The following PPP2R2B variants were observed in gnomAD, a reference collection of about 807,000 sequenced individuals.
PPP2R2B encodes serine/threonine-protein phosphatase 2A 55 kDa regulatory subunit B beta isoform.
Under a neutral mutation model 46.0 loss-of-function variants are expected in PPP2R2B, and 5 were observed. The ratio of observed to expected loss-of-function variants is 0.11; its 90% CI spans 0.06 to 0.23. The LOEUF (loss-of-function observed/expected upper bound fraction) is 0.23. PPP2R2B is among the 10% of genes least tolerant of loss of function. The probability of loss-of-function intolerance (pLI) is 1.00; values close to 1 mark genes in which losing one functional copy is unlikely to be tolerated. For synonymous variants in PPP2R2B, 215 were observed against 206.7 expected, an observed-to-expected ratio of 1.04 and a Z score of -0.34; for missense variants, 367 against 575.0, an observed-to-expected ratio of 0.64 and a Z score of 3.70.
At position 146,878,517 on chromosome 5, in the gene PPP2R2B, C is replaced by T; in HGVS notation, c.-125+74G>A. On this transcript the variant is annotated intron_variant, in intron 1 of 9. Coordinates refer to ENST00000394411, the MANE Select transcript of PPP2R2B (RefSeq NM_181675.4). The surrounding 1 kb of genome is among the most constrained non-coding windows in gnomAD (Gnocchi z 4.5). ...TCCCTCCTCCCCCTGGGAGAGCGGGCAGCCGCGACAAAATGGTGCCTTTCT... is the reference window on the plus strand; with the variant it reads ...TCCCTCCTCCCCCTGGGAGAGCGGGTAGCCGCGACAAAATGGTGCCTTTCT... The T allele has an allele frequency of 7.8e-7, 1 of 1,284,056 alleles. No individual in the cohort carries two copies. Among genetic ancestry groups the T allele is most frequent in the Non-Finnish European group, 1.0e-6 (1 of 1,002,300 alleles). The allele number at this position is 1,284,056 out of a possible 1,614,324, so 79.5% of individuals were successfully genotyped here.
chr5:146,672,753 C>T (rs1478096569), intron 5 of PPP2R2B, among the ~76,000 whole-genome samples: 1 of 152,196 alleles, frequency 6.6e-6, no homozygotes, highest in Non-Finnish European at 1.5e-5. Flanking sequence ...TCATTTAACA[C>T]TTTCTTGTTA....
intron 8 of PPP2R2B, among the ~76,000 whole-genome samples, chr5:146,593,772 T>A (rs1581665768): frequency 6.6e-6 from 1 of 151,128 alleles, no homozygotes; most frequent in African/African-American, 2.4e-5. Context: ...GGGAGAGGAG[T>A]GAGTAAGCAG....
intron 1 of PPP2R2B, among the ~76,000 whole-genome samples, chr5:146,933,612 A>T (rs542130549): frequency 6.6e-6 from 1 of 152,268 alleles, no homozygotes; most frequent in East Asian, 1.9e-4. Context: ...GAGAGAAGCA[A>T]AATGAGACCC....
intron 2 of PPP2R2B, among the ~76,000 whole-genome samples, chr5:146,776,959 T>C (rs181290169): frequency 6.6e-6 from 1 of 152,184 alleles, no homozygotes; most frequent in East Asian, 1.9e-4. Flanking sequence ...CTACTTCACA[T>C]CTACTAAGAT....
chr5:146,973,160 G>T (rs956575254), intron 1 of PPP2R2B, among the ~76,000 whole-genome samples: 3 of 152,082 alleles, frequency 2.0e-5, no homozygotes, highest in African/African-American at 7.2e-5. Flanking sequence ...AGTAGGATTT[G>T]ATTCTTTTTC....
At chr5:146,851,174 T>C (rs1280749046) in intron 2 of PPP2R2B, among the ~76,000 whole-genome samples, 1 of 152,156 alleles carries the variant, frequency 6.6e-6, no homozygotes, top group East Asian at 1.9e-4. Flanking sequence ...CCTAATCCTG[T>C]CCCTCAGAGA....
At chr5:146,648,324 GATC>G (rs1775719584) in intron 6 of PPP2R2B, among the ~76,000 whole-genome samples, 1 of 152,184 alleles carries the variant, frequency 6.6e-6, no homozygotes, top group Admixed American at 6.5e-5. Flanking sequence ...TGCTGATGGG[GATC>G]ATCAATATTA....
chr5:146,664,747 C>A (rs1301742904), intron 5 of PPP2R2B, among the ~76,000 whole-genome samples: 2 of 152,156 alleles, frequency 1.3e-5, no homozygotes, highest in Non-Finnish European at 2.9e-5. Flanking sequence ...ATCAGAGGAA[C>A]TATTTTTTGG....
intron 5 of PPP2R2B, among the ~76,000 whole-genome samples, chr5:146,658,892 C>T (rs1484791947): frequency 2.0e-5 from 3 of 152,084 alleles, no homozygotes; most frequent in African/African-American, 7.2e-5. Context: ...CATCATTTGT[C>T]AGAATTATAT....
chr5:146,966,455 T>C (rs1219899645), intron 1 of PPP2R2B, among the ~76,000 whole-genome samples: 1 of 152,184 alleles, frequency 6.6e-6, no homozygotes, highest in Admixed American at 6.5e-5. Flanking sequence ...ACCTGAGAAC[T>C]GTATTCTTAC....
At chr5:147,064,473 A>G (rs1046283035) in intron 2 of PPP2R2B, among the ~76,000 whole-genome samples, 2 of 152,196 alleles carry the variant, frequency 1.3e-5, no homozygotes, top group African/African-American at 2.4e-5. Flanking sequence ...CCCACACCCT[A>G]TATTGAGAAT....
At chr5:146,901,987 G>A (rs879499021) in intron 1 of PPP2R2B, among the ~76,000 whole-genome samples, 1 of 152,152 alleles carries the variant, frequency 6.6e-6, no homozygotes, top group Non-Finnish European at 1.5e-5. Flanking sequence ...GTAGGCTATT[G>A]TAAGAAATTA....
At chr5:146,884,118 C>A (rs1582355654) in intron 1 of PPP2R2B, among the ~76,000 whole-genome samples, 1 of 125,448 alleles carries the variant, frequency 8.0e-6, no homozygotes, top group Non-Finnish European at 1.6e-5. Flanking sequence ...TTTTTGAGAG[C>A]CAGTTGTTAA....
intron 2 of PPP2R2B, among the ~76,000 whole-genome samples, chr5:146,843,611 A>T (rs1261905220): frequency 6.6e-6 from 1 of 152,190 alleles, no homozygotes; most frequent in Admixed American, 6.5e-5. Flanking sequence ...TTGGCCACAA[A>T]CTAACCCTTC....
intron 1 of PPP2R2B, among the ~76,000 whole-genome samples, chr5:146,896,211 A>G (rs116380826): frequency 0.012 from 1,777 of 152,312 alleles, 23 homozygotes; most frequent in Non-Finnish European, 0.018. Context: ...TTACCTCATA[A>G]TCAAATCATC....
intron 2 of PPP2R2B, among the ~76,000 whole-genome samples, chr5:146,769,786 T>A (rs1754725915): frequency 6.6e-6 from 1 of 152,218 alleles, no homozygotes; most frequent in Non-Finnish European, 1.5e-5. Context: ...CTGAAAGAAC[T>A]TATAGACAAG....
intron 2 of PPP2R2B, among the ~76,000 whole-genome samples, chr5:146,711,311 A>G (rs1051459671): frequency 6.6e-6 from 1 of 152,138 alleles, no homozygotes; most frequent in South Asian, 2.1e-4. Context: ...CACTGAAGAG[A>G]GCCAATACCA....
At chr5:146,747,957 T>C (rs1292375207) in intron 2 of PPP2R2B, among the ~76,000 whole-genome samples, 1 of 152,128 alleles carries the variant, frequency 6.6e-6, no homozygotes, top group African/African-American at 2.4e-5. Flanking sequence ...ACACAAAGCA[T>C]GGTTTAACCC....
In PPP2R2B at chr5:147,014,926, A is replaced by G. The variant is rs535420328; in HGVS notation, c.79+40739T>C. 3.9e-5 allele frequency among the ~76,000 whole-genome samples: 6 copies of G among 152,290 alleles called. No homozygotes were observed. In the South Asian group the frequency reaches 1.2e-3, roughly 32 times the overall value. On this transcript the variant is annotated intron_variant, in intron 1 of 8. Coordinates refer to the PPP2R2B transcript ENST00000336640. ...AAAAATAAAAAAAAATGAATTTCAT[A>G]GACTGGGTCCTATCCCCAAGATATC...
Sources: allele counts gnomAD v4.1 joint callset (sites outside exome capture counted in the v4.1 genomes callset), GRCh38; gene constraint gnomAD v4.1.1; non-coding constraint Gnocchi (gnomAD v3.1); transcripts MANE v1.5; gene names NCBI Gene and HGNC (gene_info 2026-07-23, HGNC 2026-07-21).